The following STPG2 variants were observed in gnomAD, a reference collection of about 807,000 sequenced individuals.
STPG2 encodes the protein sperm-tail PG-rich repeat-containing protein 2.
STPG2 carries 56 observed loss-of-function variants against 54.2 expected under a neutral mutation model. The ratio of observed to expected loss-of-function variants is 1.03; its 90% CI spans 0.83 to 1.29. STPG2 has a LOEUF of 1.29. Among genes scored for constraint, STPG2 ranks in the 50% most tolerant of loss-of-function variants. STPG2 has a pLI of 0.00. For synonymous variants in STPG2, 200 were observed against 181.8 expected, an observed-to-expected ratio of 1.10 and a Z score of -0.81; for missense variants, 596 against 544.9, an observed-to-expected ratio of 1.09 and a Z score of -0.93.
chr4:97,490,350 C>T (rs1730477737), intron 4 of STPG2, among the ~76,000 whole-genome samples: 1 of 151,482 alleles, frequency 6.6e-6, no homozygotes, highest in Non-Finnish European at 1.5e-5. Context: ...CTTCTTTCTA[C>T]TTAACCTCTC....
At chr4:97,956,576 G>A (rs886280501) in intron 7 of STPG2, among the ~76,000 whole-genome samples, 1 of 152,104 alleles carries the variant, frequency 6.6e-6, no homozygotes, top group Admixed American at 6.6e-5. Context: ...GCAGGAGCCA[G>A]GAGACACCCC....
chr4:97,995,075 A>G (rs1269122325), intron 5 of STPG2, among the ~76,000 whole-genome samples: 1 of 151,994 alleles, frequency 6.6e-6, no homozygotes, highest in African/African-American at 2.4e-5. Flanking sequence ...GGTCACCAGG[A>G]AAGTGGTAGA....
intron 10 of STPG2, among the ~76,000 whole-genome samples, chr4:97,632,916 T>C (rs574800555): frequency 1.3e-5 from 2 of 152,238 alleles, no homozygotes; most frequent in East Asian, 1.9e-4. Context: ...TGGATGCTTA[T>C]TATATGCCAT....
At chr4:97,943,797 AC>A in intron 8 of STPG2, 99 bp downstream of exon 8, 2 of 832,052 alleles carry the variant, frequency 2.4e-6, no homozygotes, top group Non-Finnish European at 1.8e-6. Context: ...ACAGCACGCT[AC>A]CAGTTACCTC....
chr4:97,948,578 C>T (rs985584516), intron 7 of STPG2, among the ~76,000 whole-genome samples: 2 of 152,074 alleles, frequency 1.3e-5, no homozygotes, highest in African/African-American at 4.8e-5. Flanking sequence ...CTTAGCACTG[C>T]ATTTGCTGTA....
chr4:97,564,356 C>A (rs1225106001), intron 10 of STPG2, among the ~76,000 whole-genome samples: 1 of 152,154 alleles, frequency 6.6e-6, no homozygotes, highest in Admixed American at 6.5e-5. Context: ...TTCCTGAATA[C>A]AGCACACTGA....
intron 4 of STPG2, among the ~76,000 whole-genome samples, chr4:97,471,008 G>A (rs78125657): frequency 0.033 from 5,022 of 152,168 alleles, 90 homozygotes; most frequent in Non-Finnish European, 0.052. Context: ...AGACAGTGTC[G>A]ATGTCAATGT....
chr4:97,565,037 T>C (rs1350835791), intron 10 of STPG2, among the ~76,000 whole-genome samples: 1 of 152,172 alleles, frequency 6.6e-6, no homozygotes, highest in Non-Finnish European at 1.5e-5. Context: ...GTTTTCCAAC[T>C]TAGTTCCATT....
intron 8 of STPG2, among the ~76,000 whole-genome samples, chr4:97,878,866 A>T (rs550073988): frequency 9.9e-5 from 15 of 152,172 alleles, no homozygotes; most frequent in Non-Finnish European, 1.5e-5. Flanking sequence ...CAGGCTGCAA[A>T]TTTTCTAAGC....
chr4:97,952,309 T>C (rs1208020589), intron 7 of STPG2, among the ~76,000 whole-genome samples: 1 of 152,108 alleles, frequency 6.6e-6, no homozygotes, highest in Non-Finnish European at 1.5e-5. Context: ...AGACCCTTCA[T>C]GAGCACCAGA....
chr4:97,486,804 G>GGTGTGTGTGT (rs546341277), intron 4 of STPG2, among the ~76,000 whole-genome samples: 93 of 130,880 alleles, frequency 7.1e-4, no homozygotes, highest in African/African-American at 2.6e-3. Flanking sequence ...AAGAAACTGT[G>GGTGTGTGTGT]GTGTGTGTGT....
At chr4:97,904,031 C>T (rs1343567005) in intron 8 of STPG2, among the ~76,000 whole-genome samples, 1 of 152,226 alleles carries the variant, frequency 6.6e-6, no homozygotes, top group Admixed American at 6.5e-5. Flanking sequence ...GGAGGGGCGC[C>T]CAGCATTGCC....
chr4:97,471,611 C>T (rs1038332575), intron 4 of STPG2, among the ~76,000 whole-genome samples: 1 of 152,040 alleles, frequency 6.6e-6, no homozygotes, highest in Non-Finnish European at 1.5e-5. Context: ...AGGGGAGGAA[C>T]TAAATAGAAG....
chr4:97,681,026 C>T (rs1723016502), intron 10 of STPG2, among the ~76,000 whole-genome samples: 1 of 151,696 alleles, frequency 6.6e-6, no homozygotes, highest in Non-Finnish European at 1.5e-5. Flanking sequence ...TGATTTTATT[C>T]CGGCACATAT....
At chr4:97,614,625 T>G (rs1733814212) in intron 10 of STPG2, among the ~76,000 whole-genome samples, 1 of 152,170 alleles carries the variant, frequency 6.6e-6, no homozygotes, top group Non-Finnish European at 1.5e-5. Flanking sequence ...TTGCTTTGAC[T>G]GGACCACTTC....
At chr4:98,059,708 A>G (rs1361969612) in intron 5 of STPG2, among the ~76,000 whole-genome samples, 1 of 152,126 alleles carries the variant, frequency 6.6e-6, no homozygotes, top group Non-Finnish European at 1.5e-5. Context: ...CAAAGGGCTA[A>G]TCTACCATGA....
At position 98,001,272 on chromosome 4, in the gene STPG2, A is replaced by G. The variant is rs561006551; in HGVS notation, c.613-19954T>C. On this transcript the variant is annotated intron_variant, in intron 5 of 10. Coordinates refer to ENST00000295268, the MANE Select transcript of STPG2 (RefSeq NM_174952.3). ...CTCAAAATTTTTTCACCAAGAGGAA[A>G]TCTATACAAATAGCTTGTATAGGTT... Among the ~76,000 whole-genome samples, 5 of 152,002 alleles carry G rather than the reference A, an allele frequency of 3.3e-5. No homozygotes were observed. In the South Asian group the frequency reaches 1.0e-3, roughly 32 times the overall value.
At chr4:97,738,699 C>G (rs961058897) in intron 9 of STPG2, among the ~76,000 whole-genome samples, 2 of 152,038 alleles carry the variant, frequency 1.3e-5, no homozygotes, top group Admixed American at 6.5e-5. Context: ...CAGGAGCACC[C>G]AGATTCATAA....
chr4:97,487,444 G>C (rs1405057702), intron 4 of STPG2, among the ~76,000 whole-genome samples: 1 of 151,342 alleles, frequency 6.6e-6, no homozygotes, highest in East Asian at 1.9e-4. Context: ...CTTCAATAAA[G>C]CTAAGAAACA....
Sources: gnomAD v4.1 joint callset for allele counts (sites outside exome capture counted in the v4.1 genomes callset) on GRCh38, gnomAD v4.1.1 for gene constraint, MANE v1.5 for transcripts, NCBI Gene and HGNC (gene_info 2026-07-23, HGNC 2026-07-21) for gene names.